AFDN: variants seen among roughly 807,000 people sequenced by gnomAD.
The protein encoded by AFDN is afadin, adherens junction formation factor, also known as afadin.
A neutral mutation model predicts 216.6 loss-of-function variants in AFDN; 68 were observed. That is an observed-to-expected ratio of 0.31 (90% CI 0.26 to 0.38). The LOEUF (loss-of-function observed/expected upper bound fraction) is 0.38. Ranked by LOEUF, AFDN falls within the 10% of genes least tolerant of loss-of-function variation. The pLI is 1.00. For synonymous variants in AFDN, 868 were observed against 853.7 expected (o/e 1.02, Z -0.29); for missense variants, 2,136 against 2,342.0 (o/e 0.91, Z 1.82).
chr6:167,826,641 C>A, upstream of AFDN: 1 of 493,842 alleles, frequency 2.0e-6, no homozygotes, highest in Non-Finnish European at 4.1e-6. Context: ...CAGCAGCGCG[C>A]GTCCGAACCG....
chr6:167,963,113 T>G, intron 31 of AFDN: 3 of 1,067,676 alleles, frequency 2.8e-6, no homozygotes, highest in Non-Finnish European at 3.4e-6. Context: ...AGTTATTTAT[T>G]TTCATGTGTG....
intron 30 of AFDN, among the ~76,000 whole-genome samples, chr6:167,954,766 C>T (rs1465044124): frequency 6.6e-6 from 1 of 152,110 alleles, no homozygotes; most frequent in African/African-American, 2.4e-5. Flanking sequence ...TGTATTCTTA[C>T]GTAGTCATAA....
In AFDN at chr6:167,962,724, A is replaced by G. The variant is rs1797165853; in HGVS notation, c.4968+157A>G. On this transcript the variant is annotated intron_variant, in intron 31 of 33. Transcript: ENST00000683244. This position sits in a 1 kb window ranked among gnomAD's most constrained non-coding sequence, Gnocchi z 5.2. ...GCTTTGTGATTGGACCTGCAACTTT[A>G]CCCCATCTGGCCCACCTACCTCTCT... is the stretch of plus-strand genomic sequence containing the variant. The G allele has an allele frequency of 2.0e-6, 3 of 1,515,250 alleles. No homozygotes were observed. The highest frequency in any genetic ancestry group is 2.8e-5 in the African/African-American group (2 of 72,164). The allele number at this position is 1,515,250 out of a possible 1,614,324, so 93.9% of individuals were successfully genotyped here. A position where few individuals can be genotyped will look rare whatever the true frequency, so the allele number is the denominator to read the frequency against.
Position 167,966,020 on chromosome 6 carries a change from G to A in AFDN, c.5232G>A (p.Glu1744=). The change falls in exon 32 of 34, where the codon GAG becomes GAA. Residue 1744 remains glutamate (E), a synonymous_variant. Transcript: ENST00000683244. ...AGTTTGTTGCATACAATGAGGAGGA[G>A]GAGGAGGAGGACTGCAGCCTAGCAG... is the stretch of plus-strand genomic sequence containing the variant. The part of the protein sequence containing the change: ...TAKFVAYNEE[E]EEEDCSLAGP... 3.2e-6 allele frequency: 5 copies of A among 1,548,518 alleles called. No individual in the cohort carries two copies. The highest frequency in any genetic ancestry group is 3.5e-6 in the Non-Finnish European group (4 of 1,146,914).
chr6:167,957,830 G>A (rs1383538717), intron 30 of AFDN, among the ~76,000 whole-genome samples: 1 of 152,116 alleles, frequency 6.6e-6, no homozygotes, highest in Non-Finnish European at 1.5e-5. Context: ...TGTGTGATTC[G>A]TGCCTTCATT....
chr6:167,901,238 T>C (rs1013843059), intron 11 of AFDN, among the ~76,000 whole-genome samples: 11 of 152,218 alleles, frequency 7.2e-5, no homozygotes, highest in Non-Finnish European at 1.3e-4. Context: ...TAAATTATGT[T>C]TTGCAGAAAT....
At chr6:167,864,269 A>G (rs1034321890) in intron 1 of AFDN, 3 of 633,142 alleles carry the variant, frequency 4.7e-6, no homozygotes, top group Non-Finnish European at 6.0e-6. Flanking sequence ...TGTGCCTACC[A>G]CTTGCCAAGG....
chr6:167,948,027 A>G, intron 28 of AFDN, 83 bp downstream of exon 28: 1 of 1,050,140 alleles, frequency 9.5e-7, no homozygotes, highest in South Asian at 1.4e-5. Context: ...ATCTAGTACA[A>G]TTTTTACTCT....
chr6:167,846,713 GT>G (rs150717891), intron 1 of AFDN, among the ~76,000 whole-genome samples: 6,314 of 105,036 alleles, frequency 0.06, 147 homozygotes, highest in African/African-American at 0.12. Flanking sequence ...AAACCAAGTT[GT>G]TTTTTTTTTT....
chr6:167,848,465 G>A (rs1339262521), intron 1 of AFDN, among the ~76,000 whole-genome samples: 1 of 152,020 alleles, frequency 6.6e-6, no homozygotes, highest in Non-Finnish European at 1.5e-5. Context: ...TTATTCTGTT[G>A]TCCGTATTCT....
At chr6:167,902,477 T>A (rs555565447) in intron 12 of AFDN, 91 bp downstream of exon 12, 1 of 930,452 alleles carries the variant, frequency 1.1e-6, no homozygotes, top group Non-Finnish European at 1.7e-6. Context: ...TTCCCCTTAT[T>A]TGTGGGGGAT....
rs1784905104 is a variant in AFDN, at chr6:167,872,535, G to T, written c.578+158G>T. On this transcript the variant is annotated intron_variant, in intron 4 of 33. Coordinates refer to ENST00000683244, the MANE Select transcript of AFDN (RefSeq NM_001386888.1). ...TCCCAGCTCTTCTGTGTGGAGGGAG[G>T]ATAGAGGGTCTTACCTAAGCAGGGT... 1.3e-5 allele frequency among the ~76,000 whole-genome samples: 2 copies of T among 152,196 alleles called. 1 individual carries two copies. The highest frequency in any genetic ancestry group is 1.3e-4 in the Admixed American group (2 of 15,274).
chr6:167,962,491 C>T lies in AFDN; in HGVS notation c.4892C>T (p.Ala1631Val), dbSNP rs1310474451. 6.2e-6 allele frequency: 10 copies of T among 1,613,650 alleles called. No homozygotes were observed. The highest frequency in any genetic ancestry group is 3.3e-5 in the South Asian group (3 of 91,056). Reference protein sequence around the residue: ...QQLEEMRKREAEDRARQEEER... With the variant: ...QQLEEMRKREVEDRARQEEER... The stretch of plus-strand genomic sequence containing the variant: ...TTAGAAGAGATGCGCAAGCGGGAAG[C>T]GGAAGACCGAGCGAGGCAAGAGGAA... The change falls in exon 31 of 34, where the codon GCG becomes GTG. Residue 1631 changes from alanine (A) to valine (V), a missense_variant. Physicochemically the swap from Ala to Val is moderately conservative, Grantham distance 64 (BLOSUM62 0). Transcript: ENST00000683244. The surrounding 1 kb of genome is among the most constrained non-coding windows in gnomAD (Gnocchi z 5.2).
At chr6:167,850,998 G>T (rs1009900039) in intron 1 of AFDN, among the ~76,000 whole-genome samples, 1 of 152,036 alleles carries the variant, frequency 6.6e-6, no homozygotes, top group Non-Finnish European at 1.5e-5. Flanking sequence ...GCATTCAGGC[G>T]ATTCTCCTGC....
chr6:167,841,008 C>T (rs1286875520), intron 1 of AFDN, among the ~76,000 whole-genome samples: 3 of 152,092 alleles, frequency 2.0e-5, no homozygotes, highest in East Asian at 1.9e-4. Flanking sequence ...GGCCTTCCTG[C>T]GCTTGTGTCT....
At chr6:167,891,191 A>T (rs1485068319) in intron 8 of AFDN, among the ~76,000 whole-genome samples, 162 bp downstream of exon 8, 1 of 152,018 alleles carries the variant, frequency 6.6e-6, no homozygotes, top group African/African-American at 2.4e-5. Flanking sequence ...ATTTCTCTTA[A>T]ATTATTAAAA....
chr6:167,970,572 A>G lies in AFDN; in HGVS notation c.*637A>G, dbSNP rs1478728387. ...GAGACTGTTCCATCTCATTCCTCGCAAATTTGAGCTCTTCTGATCAATTCT... is the reference window on the plus strand; with the variant it reads ...GAGACTGTTCCATCTCATTCCTCGCGAATTTGAGCTCTTCTGATCAATTCT... On this transcript the variant is annotated 3_prime_UTR_variant, in exon 34 of 34. Transcript: ENST00000683244. The G allele has an allele frequency of 4.7e-6, 1 of 213,736 alleles. No homozygotes were observed. The highest frequency in any genetic ancestry group is 9.4e-6 in the Non-Finnish European group (1 of 105,918). The allele number at this position is 213,736 out of a possible 1,614,324, so 13.2% of individuals were successfully genotyped here. A position where few individuals can be genotyped will look rare whatever the true frequency, so the allele number is the denominator to read the frequency against.
At chr6:167,911,208 A>G in intron 14 of AFDN, 46 bp downstream of exon 14, 1 of 1,602,240 alleles carries the variant, frequency 6.2e-7, no homozygotes, top group Admixed American at 1.7e-5. Flanking sequence ...TTCTTGATCC[A>G]TTTTACTCCA....
intron 6 of AFDN, among the ~76,000 whole-genome samples, chr6:167,884,313 G>A (rs559551488): frequency 4.0e-5 from 6 of 151,864 alleles, no homozygotes; most frequent in East Asian, 3.9e-4. Context: ...TCCTTATCCC[G>A]TGAATCATGA....
Sources: gnomAD v4.1 joint callset for allele counts (sites outside exome capture counted in the v4.1 genomes callset) on GRCh38, gnomAD v4.1.1 for gene constraint, Gnocchi (gnomAD v3.1) non-coding constraint, MANE v1.5 for transcripts, NCBI Gene and HGNC (gene_info 2026-07-23, HGNC 2026-07-21) for gene names.